SH2D4B: variants seen among roughly 807,000 people sequenced by gnomAD.
SH2D4B encodes SH2 domain containing 4B.
In SH2D4B, 45 loss-of-function variants were observed where a neutral mutation model predicts 61.5. The observed-to-expected ratio is 0.73, with a 90% CI of 0.58 to 0.94. The LOEUF (loss-of-function observed/expected upper bound fraction) is 0.94. SH2D4B is among the 40% of genes least tolerant of loss of function. The pLI is 0.00. For missense variants in SH2D4B, 572 were observed against 574.2 expected (o/e 1.00, Z 0.04); for synonymous variants, 224 against 220.4 (o/e 1.02, Z -0.14).
intron 3 of SH2D4B, among the ~76,000 whole-genome samples, chr10:80,587,153 T>TG (rs1564775950): frequency 0.011 from 789 of 70,420 alleles, 37 homozygotes; most frequent in Admixed American, 0.078. Flanking sequence ...TTTGTTTTGT[T>TG]TTTTTTTTTT....
Position 80,588,728 on chromosome 10 carries a change from G to A in SH2D4B, c.594G>A (p.Gln198=), listed in dbSNP as rs1263544493. 1 of 1,614,004 alleles carries A rather than the reference G, an allele frequency of 6.2e-7. No homozygotes were observed. Among genetic ancestry groups the A allele is most frequent in the African/African-American group, 1.3e-5 (1 of 74,936 alleles). The part of the protein sequence containing the change: ...KELYWTLKQA[Q]LHCQASEKEE... ...TCTACTGGACCCTGAAGCAGGCTCA[G>A]CTGCATTGCCAAGCCAGTGAGAAAG... The change falls in exon 4 of 8, where the codon CAG becomes CAA. Residue 198 remains glutamine, a synonymous_variant. Coordinates refer to ENST00000646907, the MANE Select transcript of SH2D4B (RefSeq NM_001388272.1).
intron 7 of SH2D4B, among the ~76,000 whole-genome samples, chr10:80,636,132 C>A (rs1202846552): frequency 2.0e-5 from 3 of 152,148 alleles, no homozygotes; most frequent in African/African-American, 7.2e-5. Flanking sequence ...GGAACTCATC[C>A]TTTTTTATGG....
At chr10:80,626,667 T>C (rs958617267) in intron 6 of SH2D4B, among the ~76,000 whole-genome samples, 8 of 152,174 alleles carry the variant, frequency 5.3e-5, no homozygotes, top group African/African-American at 1.7e-4. Flanking sequence ...TTGTCCCTTC[T>C]CTCCCTCACA....
chr10:80,546,439 A>G (rs538669107), intron 1 of SH2D4B, among the ~76,000 whole-genome samples: 2 of 151,050 alleles, frequency 1.3e-5, no homozygotes, highest in East Asian at 3.9e-4. Context: ...CTTGGTGTAT[A>G]TTTGCCTGTA....
At chr10:80,564,257 T>C (rs1449213792) in intron 1 of SH2D4B, among the ~76,000 whole-genome samples, 1 of 152,228 alleles carries the variant, frequency 6.6e-6, no homozygotes, top group Non-Finnish European at 1.5e-5. Flanking sequence ...TTTTATATCT[T>C]CCTTTAAATG....
rs148753846 is a variant in SH2D4B at position 80,626,333 on chromosome 10, G to T, written c.989-7952G>T. On this transcript the variant is annotated intron_variant, in intron 6 of 7. Coordinates refer to ENST00000646907, the MANE Select transcript of SH2D4B (RefSeq NM_001388272.1). ...ATTCCATTGTTCTCTGGCTTTTATGGTTGCAACTGAGAAGTCTGCTGTAAG... is the reference window on the plus strand; with the variant it reads ...ATTCCATTGTTCTCTGGCTTTTATGTTTGCAACTGAGAAGTCTGCTGTAAG... 1.2e-3 allele frequency among the ~76,000 whole-genome samples: 181 copies of T among 152,152 alleles called. 2 individuals are homozygous for T. The highest frequency in any genetic ancestry group is 4.1e-3 in the African/African-American group (171 of 41,484).
chr10:80,628,555 G>A (rs1398040933), intron 6 of SH2D4B, among the ~76,000 whole-genome samples: 1 of 152,252 alleles, frequency 6.6e-6, no homozygotes, highest in African/African-American at 2.4e-5. Context: ...CAAAGTGAAT[G>A]GGGAAGGAAA....
At chr10:80,566,919 G>A (rs1025699657) in intron 1 of SH2D4B, among the ~76,000 whole-genome samples, 4 of 152,084 alleles carry the variant, frequency 2.6e-5, no homozygotes, top group Non-Finnish European at 4.4e-5. Flanking sequence ...TATATTGCTT[G>A]TAACATACTT....
chr10:80,562,203 A>C (rs999273477), intron 1 of SH2D4B, among the ~76,000 whole-genome samples: 1 of 152,094 alleles, frequency 6.6e-6, no homozygotes, highest in Admixed American at 6.6e-5. Context: ...CACTTAACAT[A>C]ATATCCTCCA....
At chr10:80,540,091 A>T (rs7900957) in intron 1 of SH2D4B, among the ~76,000 whole-genome samples, 86,229 of 152,094 alleles carry the variant, frequency 0.57, 25,367 homozygotes, top group East Asian at 0.86. Flanking sequence ...TGTCACACAT[A>T]GACATCTACA....
chr10:80,583,390 C>T (rs770618422), intron 3 of SH2D4B, among the ~76,000 whole-genome samples: 26 of 152,066 alleles, frequency 1.7e-4, no homozygotes, highest in Non-Finnish European at 3.1e-4. Context: ...CAGATGGAGC[C>T]GGGCGCGGTG....
intron 4 of SH2D4B, among the ~76,000 whole-genome samples, chr10:80,602,232 T>C (rs1391114158): frequency 6.6e-6 from 1 of 151,852 alleles, no homozygotes; most frequent in African/African-American, 2.4e-5. Context: ...GAGGCCAAGG[T>C]GGGAGGATTG....
chr10:80,544,261 C>T (rs1160386697), intron 1 of SH2D4B, among the ~76,000 whole-genome samples: 1 of 152,176 alleles, frequency 6.6e-6, no homozygotes, highest in African/African-American at 2.4e-5. Flanking sequence ...CTGTAACAGT[C>T]ACCACAAAGG....
chr10:80,644,044 C>G lies in SH2D4B; in HGVS notation c.1261C>G (p.Gln421Glu). ...GGELLQEPCG[Q>E]RDSPPDYHLL... ...AGAGTTACTTCAGGAACCCTGCGGA[C>G]AGAGGGACAGCCCACCAGACTACCA... is the stretch of plus-strand genomic sequence containing the variant. The change falls in exon 8 of 8, where the codon CAG (glutamine) becomes GAG (glutamate). Residue 421 changes from glutamine to glutamate, a missense_variant. By Grantham distance (29) the Gln-to-Glu change is conservative. Transcript: ENST00000646907. 6.2e-7 allele frequency: 1 copy of G among 1,613,934 alleles called. No individual in the cohort carries two copies. Among genetic ancestry groups the G allele is most frequent in the South Asian group, 1.1e-5 (1 of 91,066 alleles).
rs2132097615 is a variant in SH2D4B at position 80,538,894 on chromosome 10, CAG to C, written c.184+382_184+383del. Among the ~76,000 whole-genome samples, 1 of 152,298 alleles carries C rather than the reference CAG, an allele frequency of 6.6e-6. No individual in the cohort carries two copies. The highest frequency in any genetic ancestry group is 2.1e-4 in the South Asian group (1 of 4,824). The stretch of plus-strand genomic sequence containing the variant: ...GTGACCCTTGCCATTGGTTCTGGGC[CAG>C]AGTGTGGTGTAGATATGCAGTTCCT... On this transcript the variant is annotated intron_variant, in intron 1 of 7. Transcript: ENST00000646907. The surrounding 1 kb of genome is among the most constrained non-coding windows in gnomAD (Gnocchi z 4.8).
chr10:80,634,570 A>G (rs988470576), intron 7 of SH2D4B, 65 bp downstream of exon 7: 2 of 1,526,528 alleles, frequency 1.3e-6, no homozygotes. Context: ...CTGAAGAGAG[A>G]GCTAGAGCAA....
chr10:80,618,804 C>T (rs1842686095), intron 6 of SH2D4B, among the ~76,000 whole-genome samples: 1 of 151,892 alleles, frequency 6.6e-6, no homozygotes, highest in Non-Finnish European at 1.5e-5. Context: ...GAAGTCCTAA[C>T]CGAGAAATAA....
At chr10:80,638,497 T>G (rs1375137800) in intron 7 of SH2D4B, among the ~76,000 whole-genome samples, 1 of 152,236 alleles carries the variant, frequency 6.6e-6, no homozygotes. Context: ...ATTCAACTTC[T>G]TCCTGGTTTA....
At chr10:80,601,905 G>A (rs1301302651) in intron 4 of SH2D4B, among the ~76,000 whole-genome samples, 1 of 152,164 alleles carries the variant, frequency 6.6e-6, no homozygotes, top group East Asian at 1.9e-4. Context: ...CTAGGGCTGG[G>A]GCATTAGCCT....
Sources: gnomAD v4.1 joint callset for allele counts (sites outside exome capture counted in the v4.1 genomes callset) on GRCh38, gnomAD v4.1.1 for gene constraint, Gnocchi (gnomAD v3.1) non-coding constraint, MANE v1.5 for transcripts, NCBI Gene and HGNC (gene_info 2026-07-23, HGNC 2026-07-21) for gene names.